Variants in CYTH4 observed in about 807,000 individuals in gnomAD.
CYTH4 encodes the protein cytohesin 4, also known as cytohesin-4.
CYTH4 carries 22 observed loss-of-function variants against 57.5 expected under a neutral mutation model. The observed-to-expected ratio is 0.38, with a 90% CI of 0.27 to 0.55. The LOEUF (loss-of-function observed/expected upper bound fraction) is 0.55. Among genes scored for constraint, CYTH4 ranks in the 20% least tolerant of loss-of-function variants. The probability of loss-of-function intolerance (pLI) is 0.74; values close to 1 mark genes in which losing one functional copy is unlikely to be tolerated. For missense variants in CYTH4, 420 were observed against 535.6 expected (o/e 0.78, Z 2.13); for synonymous variants, 186 against 206.5 (o/e 0.90, Z 0.85).
intron 1 of CYTH4, among the ~76,000 whole-genome samples, chr22:37,286,084 G>A (rs1384127817): frequency 7.4e-6 from 1 of 135,306 alleles, no homozygotes; most frequent in African/African-American, 2.7e-5. Context: ...CCCCAGCTCT[G>A]CAAAGTTGGC....
intron 6 of CYTH4, among the ~76,000 whole-genome samples, chr22:37,300,540 A>G (rs1341098669): frequency 6.6e-5 from 10 of 152,112 alleles, no homozygotes. Flanking sequence ...CTCTTCCCCA[A>G]CTAGGTCCCA....
In CYTH4 at chr22:37,299,309, G is replaced by A; in HGVS notation, c.434+3G>A. ...CTCAACCTCGTCCAGGCCCTCAGGT[G>A]AGTAGTCCTGGGGCAGGGTCCCGGC... is the stretch of plus-strand genomic sequence containing the variant. On this transcript the variant is annotated splice_donor_region_variant and intron_variant, in intron 6 of 12. Transcript: ENST00000248901. The A allele has an allele frequency of 6.2e-7, 1 of 1,613,922 alleles. No individual in the cohort carries two copies. Among genetic ancestry groups the A allele is most frequent in the Non-Finnish European group, 8.5e-7 (1 of 1,179,850 alleles).
In CYTH4 at chr22:37,314,088, C is replaced by A; in HGVS notation, c.*577C>A. Reference sequence around the variant, plus strand: ...AACCCCGGGAGCACTGCCCTAGGAGCCCGGACCCCACGAGCTCAGTCCCAG... The same window carrying A: ...AACCCCGGGAGCACTGCCCTAGGAGACCGGACCCCACGAGCTCAGTCCCAG... On this transcript the variant is annotated 3_prime_UTR_variant, in exon 13 of 13. Coordinates refer to ENST00000248901, the MANE Select transcript of CYTH4 (RefSeq NM_013385.5). 2.9e-6 allele frequency: 1 copy of A among 344,916 alleles called. No homozygotes were observed. Among genetic ancestry groups the A allele is most frequent in the East Asian group, 4.3e-5 (1 of 23,228 alleles). The allele number at this position is 344,916 out of a possible 1,614,324, so 21.4% of individuals were successfully genotyped here.
chr22:37,309,214 C>A lies in CYTH4; in HGVS notation c.699C>A (p.Asn233Lys), dbSNP rs775777864. 5 of 1,613,918 alleles carry A rather than the reference C, an allele frequency of 3.1e-6. No individual in the cohort carries two copies. The South Asian group carries it at 5.5e-5, about 18-fold the overall frequency. Residue 233 changes from asparagine (N) to lysine (K), a missense_variant and splice_region_variant, in exon 9 of 13, where the codon AAC becomes AAA. Physicochemically the swap from Asn to Lys is moderately conservative, Grantham distance 94 (BLOSUM62 0). Coordinates refer to ENST00000248901, the MANE Select transcript of CYTH4 (RefSeq NM_013385.5). The stretch of plus-strand genomic sequence containing the variant: ...TTCTCTCCCTTGTCTTGGGGCAGAA[C>A]CTCTTCGACAGCATCAAGAGTGAGC... ...GSDLPEDQLRNLFDSIKSEPF... is the reference protein window; with the variant it reads ...GSDLPEDQLRKLFDSIKSEPF...
rs565412525 is a variant in CYTH4 at position 37,298,088 on chromosome 22, G to A, written c.353+406G>A. The A allele has an allele frequency of 2.4e-5, 4 of 163,646 alleles. No individual in the cohort carries two copies. Among genetic ancestry groups the A allele is most frequent in the African/African-American group, 4.8e-5 (2 of 41,616 alleles). The allele number at this position is 163,646 out of a possible 1,614,324, so 10.1% of individuals were successfully genotyped here. ...AGGGAAGTCAGAAATGCTGGGGACC[G>A]GCCAGGCTCGGGGCTCATGCCTGTA... On this transcript the variant is annotated intron_variant, in intron 5 of 12. Coordinates refer to ENST00000248901, the MANE Select transcript of CYTH4 (RefSeq NM_013385.5). This position sits in a 1 kb window ranked among gnomAD's most constrained non-coding sequence, Gnocchi z 4.1.
Position 37,284,871 on chromosome 22 carries a change from G to A in CYTH4, c.19+2283G>A, listed in dbSNP as rs533059322. Among the ~76,000 whole-genome samples, 9 of 152,238 alleles carry A rather than the reference G, an allele frequency of 5.9e-5. 1 individual carries two copies. In the South Asian group the frequency reaches 1.9e-3, roughly 32 times the overall value. ...GGCCAGACAGCAAAGCCCCAGTGTGGCCAAAGACAAGCACTGTGCTGGTGC... is the reference window on the plus strand; with the variant it reads ...GGCCAGACAGCAAAGCCCCAGTGTGACCAAAGACAAGCACTGTGCTGGTGC... On this transcript the variant is annotated intron_variant, in intron 1 of 12. Coordinates refer to ENST00000248901, the MANE Select transcript of CYTH4 (RefSeq NM_013385.5).
intron 3 of CYTH4, 83 bp downstream of exon 3, chr22:37,294,807 C>T (rs1928892192): frequency 2.0e-6 from 3 of 1,510,980 alleles, no homozygotes; most frequent in Admixed American, 1.7e-5. Flanking sequence ...GCAGGGGCCA[C>T]TCCCAGCCCC....
chr22:37,293,712 T>C (rs908727789), intron 2 of CYTH4, among the ~76,000 whole-genome samples: 5 of 151,832 alleles, frequency 3.3e-5, no homozygotes, highest in African/African-American at 9.7e-5. Context: ...CTAATGGGGG[T>C]GCCGGCCAGA....
At position 37,314,953 on chromosome 22, in the gene CYTH4, G is replaced by T. The variant is rs1929805362; in HGVS notation, c.*1442G>T. 1 of 152,524 alleles carries T rather than the reference G, an allele frequency of 6.6e-6. No homozygotes were observed. The highest frequency in any genetic ancestry group is 6.5e-5 in the Admixed American group (1 of 15,290). The allele number at this position is 152,524 out of a possible 1,614,324, so 9.4% of individuals were successfully genotyped here. A position where few individuals can be genotyped will look rare whatever the true frequency, so the allele number is the denominator to read the frequency against. ...GATGGAGTAGCTGCCTTGCGAGGTG[G>T]TGAGACTCCTGTCTCTGGAGGTCTG... On this transcript the variant is annotated 3_prime_UTR_variant, in exon 13 of 13. Transcript: ENST00000248901.
rs200960474 is a variant in CYTH4 at position 37,297,638 on chromosome 22, C to T, written c.309C>T (p.Gly103=). The T allele has an allele frequency of 1.2e-6, 2 of 1,613,896 alleles. No individual in the cohort carries two copies. Among genetic ancestry groups the T allele is most frequent in the Non-Finnish European group, 8.5e-7 (1 of 1,179,882 alleles). ...ACATTGCACGGTTCCTGTATAAAGG[C>T]GAGGGCCTCAACAAGACAGCCATTG... ...VQDIARFLYK[G]EGLNKTAIGT... is the part of the protein sequence containing the mutation. The change falls in exon 5 of 13, where the codon GGC becomes GGT. Residue 103 remains glycine (G), a synonymous_variant. Transcript: ENST00000248901.
intron 8 of CYTH4, chr22:37,304,147 GT>G (rs140774695): frequency 2.2e-6 from 1 of 456,684 alleles, no homozygotes; most frequent in Non-Finnish European, 4.4e-6. Context: ...CACAGAGGAG[GT>G]GACTTCTGAA....
chr22:37,285,657 G>A (rs1766320679), intron 1 of CYTH4, among the ~76,000 whole-genome samples: 1 of 152,146 alleles, frequency 6.6e-6, no homozygotes, highest in South Asian at 2.1e-4. Context: ...GTTGCAGTGA[G>A]CCGAGATCAG....
intron 2 of CYTH4, 58 bp downstream of exon 2, chr22:37,292,761 C>A (rs1399014758): frequency 1.5e-5 from 24 of 1,552,520 alleles, no homozygotes; most frequent in Non-Finnish European, 2.1e-5. Context: ...CACGCTTGTA[C>A]GCACCCCACC....
At position 37,292,628 on chromosome 22, in the gene CYTH4, G is replaced by A. The variant is rs772489243; in HGVS notation, c.27G>A (p.Ala9=). The change falls in exon 2 of 13, where the codon GCG becomes GCA. Residue 9 remains alanine (A), a synonymous_variant. Transcript: ENST00000248901. MDLCHPEP[A]ELSSGETEEL... ...CCGGTTGTCTCTCTGTAGAGCCCGC[G>A]GAGCTGAGCAGCGGGGAGACGGAAG... is the stretch of plus-strand genomic sequence containing the variant. 39 of 1,613,720 alleles carry A rather than the reference G, an allele frequency of 2.4e-5. No homozygotes were observed. Among genetic ancestry groups the A allele is most frequent in the Admixed American group, 1.0e-4 (6 of 59,996 alleles).
chr22:37,285,572 C>A lies in CYTH4; in HGVS notation c.19+2984C>A, dbSNP rs192535004. The stretch of plus-strand genomic sequence containing the variant: ...AAATACAAAAAAAAATTAGCCGGGC[C>A]TGGTGGTGGGCGCCTGTAATCCCAG... On this transcript the variant is annotated intron_variant, in intron 1 of 12. Coordinates refer to ENST00000248901, the MANE Select transcript of CYTH4 (RefSeq NM_013385.5). 4.6e-5 allele frequency among the ~76,000 whole-genome samples: 7 copies of A among 151,816 alleles called. No homozygotes were observed. In the South Asian group the frequency reaches 1.2e-3, roughly 27 times the overall value.
In CYTH4 at chr22:37,309,271, C is replaced by T. The variant is rs767168826; in HGVS notation, c.756C>T (p.Asp252=). The change falls in exon 9 of 13, where the codon GAC becomes GAT. Residue 252 remains aspartate (D), a synonymous_variant. Transcript: ENST00000248901. ...CCATCCCTGAGGACGACGGCAATGACCTCACTCACACCTTCTTCAATCCAG... is the reference window on the plus strand; with the variant it reads ...CCATCCCTGAGGACGACGGCAATGATCTCACTCACACCTTCTTCAATCCAG... The part of the protein sequence containing the change: ...PFSIPEDDGN[D]LTHTFFNPDR... The T allele has an allele frequency of 1.2e-6, 2 of 1,614,162 alleles. No homozygotes were observed. The highest frequency in any genetic ancestry group is 2.2e-5 in the East Asian group (1 of 44,882).
At chr22:37,312,281 C>T in intron 12 of CYTH4, 107 bp downstream of exon 12, 1 of 1,445,942 alleles carries the variant, frequency 6.9e-7, no homozygotes, top group South Asian at 1.3e-5. Flanking sequence ...CCAGTCTCTC[C>T]CTCCTGTTTC....
chr22:37,287,575 G>C (rs1052680241), intron 1 of CYTH4, among the ~76,000 whole-genome samples: 3 of 151,862 alleles, frequency 2.0e-5, no homozygotes, highest in Non-Finnish European at 2.9e-5. Context: ...CCTGCCGGAA[G>C]AGTTCCGGAG....
At chr22:37,301,271 C>A (rs192840733) in intron 7 of CYTH4, among the ~76,000 whole-genome samples, 51 of 152,306 alleles carry the variant, frequency 3.3e-4, no homozygotes, top group African/African-American at 1.2e-3. Context: ...AGCAGCACCC[C>A]TTTCTGAGGG....
Sources: gnomAD v4.1 joint callset for allele counts (sites outside exome capture counted in the v4.1 genomes callset) on GRCh38, gnomAD v4.1.1 for gene constraint, Gnocchi (gnomAD v3.1) non-coding constraint, MANE v1.5 for transcripts, NCBI Gene and HGNC (gene_info 2026-07-23, HGNC 2026-07-21) for gene names.